Variants in WSCD2 observed in about 807,000 individuals in gnomAD.
WSCD2 encodes WSC domain sialate O sulfotransferase 2, also known as sialate:O-sulfotransferase 2.
In WSCD2, 28 loss-of-function variants were observed where a neutral mutation model predicts 55.7. The ratio of observed to expected loss-of-function variants is 0.50; its 90% CI spans 0.37 to 0.69. The LOEUF (loss-of-function observed/expected upper bound fraction) is 0.69. WSCD2 is among the 30% of genes least tolerant of loss of function. WSCD2 has a pLI of 0.00. For synonymous variants in WSCD2, 301 were observed against 301.9 expected, an observed-to-expected ratio of 1.00 and a Z score of 0.03; for missense variants, 616 against 762.1, an observed-to-expected ratio of 0.81 and a Z score of 2.26.
intron 1 of WSCD2, among the ~76,000 whole-genome samples, chr12:108,178,258 G>T (rs1167586159): frequency 1.3e-5 from 2 of 152,042 alleles, no homozygotes; most frequent in Admixed American, 6.5e-5. Flanking sequence ...GGATGTATCT[G>T]TCCTGATTTC....
At chr12:108,214,597 A>C (rs1269555394) in intron 4 of WSCD2, among the ~76,000 whole-genome samples, 2 of 152,208 alleles carry the variant, frequency 1.3e-5, no homozygotes, top group African/African-American at 2.4e-5. Context: ...GCGATGTTGC[A>C]AGAAATTTCA....
chr12:108,192,854 C>T (rs1483633810), intron 1 of WSCD2, among the ~76,000 whole-genome samples: 1 of 152,162 alleles, frequency 6.6e-6, no homozygotes, highest in Non-Finnish European at 1.5e-5. Context: ...TGGGCTCCCA[C>T]ATTCCATGGC....
intron 2 of WSCD2, among the ~76,000 whole-genome samples, chr12:108,199,742 G>A (rs1884422646): frequency 6.6e-6 from 1 of 152,194 alleles, no homozygotes; most frequent in Non-Finnish European, 1.5e-5. Flanking sequence ...CCATCTTACA[G>A]GAGGGAAAGT....
At chr12:108,167,637 T>C (rs1879803051) in intron 1 of WSCD2, 1 of 152,264 alleles carries the variant, frequency 6.6e-6, no homozygotes, top group Non-Finnish European at 1.5e-5. Context: ...TCTCTGCATC[T>C]CTACCTTCCC....
rs144265842 is a variant in WSCD2 at position 108,210,931 on chromosome 12, C to A, written c.682+626C>A. ...AAAATCTCTCTGATTTCCAAACCAACAGAAGGAGGGAGTGAATAAGAGGAC... is the reference window on the plus strand; with the variant it reads ...AAAATCTCTCTGATTTCCAAACCAAAAGAAGGAGGGAGTGAATAAGAGGAC... On this transcript the variant is annotated intron_variant, in intron 4 of 8. Coordinates refer to ENST00000547525, the MANE Select transcript of WSCD2 (RefSeq NM_014653.4). This position sits in a 1 kb window ranked among gnomAD's most constrained non-coding sequence, Gnocchi z 4.3. 6.6e-6 allele frequency among the ~76,000 whole-genome samples: 1 copy of A among 152,196 alleles called. No individual in the cohort carries two copies. Among genetic ancestry groups the A allele is most frequent in the African/African-American group, 2.4e-5 (1 of 41,430 alleles).
intron 1 of WSCD2, among the ~76,000 whole-genome samples, chr12:108,132,265 G>A (rs1875637007): frequency 1.3e-5 from 2 of 152,168 alleles, no homozygotes; most frequent in African/African-American, 4.8e-5. Context: ...TCCACTGTGT[G>A]CTTGCTTGGA....
In WSCD2 at chr12:108,227,006, C is replaced by T; in HGVS notation, c.821C>T (p.Ala274Val). ...CATCCCCAGGAGTACCCGCTGGCAG[C>T]TCTTGCAGGCACCGCCTGCCACTGT... Reference protein sequence around the residue: ...FCTEKEYPLAALAGTACHCGF... With the variant: ...FCTEKEYPLAVLAGTACHCGF... The change falls in exon 6 of 9, where the codon GCT (alanine) becomes GTT (valine). Residue 274 changes from alanine to valine, a missense_variant. Around this residue, in one of 3 missense-constraint regions of WSCD2, gnomAD observed 374 missense variants for 467.4 expected, o/e 0.80. Coordinates refer to ENST00000547525, the MANE Select transcript of WSCD2 (RefSeq NM_014653.4). The T allele has an allele frequency of 6.2e-7, 1 of 1,613,866 alleles. No homozygotes were observed. Among genetic ancestry groups the T allele is most frequent in the Non-Finnish European group, 8.5e-7 (1 of 1,179,854 alleles).
intron 1 of WSCD2, among the ~76,000 whole-genome samples, chr12:108,185,872 GAGA>G (rs1188359894): frequency 6.6e-6 from 1 of 152,208 alleles, no homozygotes; most frequent in African/African-American, 2.4e-5. Flanking sequence ...GCTCCTGGAG[GAGA>G]AGGATGACTC....
intron 1 of WSCD2, among the ~76,000 whole-genome samples, chr12:108,130,228 C>A (rs910192002): frequency 3.9e-5 from 6 of 152,194 alleles, no homozygotes; most frequent in African/African-American, 1.2e-4. Flanking sequence ...GCTTCTCCCG[C>A]GGAGGTGGGC....
intron 7 of WSCD2, 106 bp from the exon 8 acceptor site, chr12:108,240,238 A>T: frequency 2.9e-6 from 4 of 1,382,396 alleles, no homozygotes; most frequent in Non-Finnish European, 4.0e-6. Flanking sequence ...CGAATGACTG[A>T]GTGAACAAAT....
chr12:108,222,329 G>C (rs993451323), intron 4 of WSCD2, among the ~76,000 whole-genome samples: 1 of 152,194 alleles, frequency 6.6e-6, no homozygotes, highest in Non-Finnish European at 1.5e-5. Context: ...CAAACGATGG[G>C]TCCTTAGATT....
intron 2 of WSCD2, among the ~76,000 whole-genome samples, chr12:108,203,059 A>G (rs1161106018): frequency 6.6e-6 from 1 of 152,218 alleles, no homozygotes; most frequent in Non-Finnish European, 1.5e-5. Context: ...AACTTTGAAT[A>G]GACAGACCTG....
chr12:108,244,584 A>G, intron 8 of WSCD2: 1 of 702,714 alleles, frequency 1.4e-6, no homozygotes, highest in Non-Finnish European at 2.6e-6. Context: ...TGTAGGAGGT[A>G]GGTCTTATCC....
intron 1 of WSCD2, among the ~76,000 whole-genome samples, chr12:108,160,016 A>C (rs1166817106): frequency 6.6e-6 from 1 of 152,220 alleles, no homozygotes; most frequent in African/African-American, 2.4e-5. Context: ...ACGGTATGAT[A>C]GCACGAGAGC....
intron 1 of WSCD2, among the ~76,000 whole-genome samples, chr12:108,183,407 G>A (rs1165834566): frequency 6.6e-6 from 1 of 152,120 alleles, no homozygotes; most frequent in Non-Finnish European, 1.5e-5. Flanking sequence ...GGGGTGAGGG[G>A]GATGACAGCC....
chr12:108,206,677 G>A (rs1020659709), intron 3 of WSCD2, among the ~76,000 whole-genome samples: 14 of 152,206 alleles, frequency 9.2e-5, no homozygotes, highest in Admixed American at 3.9e-4. Context: ...CAGGGTACAG[G>A]GTCAGCTAGC....
intron 1 of WSCD2, chr12:108,171,562 TTAAA>T (rs1430240117): frequency 1.3e-5 from 2 of 152,244 alleles, no homozygotes; most frequent in African/African-American, 4.8e-5. Context: ...ATCTAATAGA[TTAAA>T]TATATTATCA....
Position 108,167,491 on chromosome 12 carries a change from T to TACTC in WSCD2, c.-551-27790_-551-27789insCTCA, listed in dbSNP as rs573626923. 14 of 152,294 alleles carry TACTC rather than the reference T, an allele frequency of 9.2e-5. No homozygotes were observed. In the South Asian group the frequency reaches 2.9e-3, roughly 32 times the overall value. 9.4% of individuals were successfully genotyped at this position (152,294 alleles called of 1,614,324 possible). On this transcript the variant is annotated intron_variant, in intron 1 of 8. Coordinates refer to ENST00000547525, the MANE Select transcript of WSCD2 (RefSeq NM_014653.4). ...TATTCTGCAACAGCTACAACTTGAGTAAGACCAAAACACAACTCAAGTGGA... is the reference window on the plus strand; with the variant it reads ...TATTCTGCAACAGCTACAACTTGAGTACTCAAGACCAAAACACAACTCAAGTGGA...
At chr12:108,203,229 T>C (rs1884932787) in intron 2 of WSCD2, among the ~76,000 whole-genome samples, 1 of 152,236 alleles carries the variant, frequency 6.6e-6, no homozygotes, top group Non-Finnish European at 1.5e-5. Flanking sequence ...CATTGTGTCA[T>C]GTCATCAAAC....
Sources: gnomAD v4.1 joint callset for allele counts (sites outside exome capture counted in the v4.1 genomes callset) on GRCh38, gnomAD v4.1.1 for gene constraint, gnomAD v4.1.1 regional missense constraint, Gnocchi (gnomAD v3.1) non-coding constraint, MANE v1.5 for transcripts, NCBI Gene and HGNC (gene_info 2026-07-23, HGNC 2026-07-21) for gene names.